SH3GL2: variants seen among roughly 807,000 people sequenced by gnomAD.
The protein encoded by SH3GL2 is SH3 domain containing GRB2 like 2, endophilin A1, also known as endophilin-A1.
SH3GL2 carries 24 observed loss-of-function variants against 46.0 expected under a neutral mutation model. That is an observed-to-expected ratio of 0.52 (90% CI 0.38 to 0.73). The LOEUF (loss-of-function observed/expected upper bound fraction) is 0.73. Among genes scored for constraint, SH3GL2 ranks in the 30% least tolerant of loss-of-function variants. The pLI, the probability that SH3GL2 is intolerant of heterozygous loss-of-function variation, is 0.00. For synonymous variants in SH3GL2, 196 were observed against 147.1 expected (o/e 1.33, Z -2.40); for missense variants, 413 against 424.2 (o/e 0.97, Z 0.23).
At position 17,676,432 on chromosome 9, in the gene SH3GL2, C is replaced by G. The variant is rs577283390; in HGVS notation, c.46-70634C>G. The stretch of plus-strand genomic sequence containing the variant: ...ACCAGCCTAGCCAACAGGGTGAAAC[C>G]CTGTCTCTACTGAAAATACTAAAAT... On this transcript the variant is annotated intron_variant, in intron 1 of 8. Transcript: ENST00000380607. 3.3e-4 allele frequency among the ~76,000 whole-genome samples: 50 copies of G among 152,156 alleles called. No individual in the cohort carries two copies. In the East Asian group the frequency reaches 8.2e-3, roughly 25 times the overall value.
At chr9:17,772,093 A>G (rs545504595) in intron 3 of SH3GL2, among the ~76,000 whole-genome samples, 1 of 152,318 alleles carries the variant, frequency 6.6e-6, no homozygotes, top group Admixed American at 6.5e-5. Flanking sequence ...CACGTTTCAG[A>G]CTTGTAGATG....
chr9:17,757,043 T>G lies in SH3GL2; in HGVS notation c.115-4394T>G, dbSNP rs1727727913. Among the ~76,000 whole-genome samples the G allele has an allele frequency of 2.0e-5, 3 of 152,340 alleles. No individual in the cohort carries two copies. The South Asian group carries it at 6.2e-4, about 32-fold the overall frequency. ...CTAACTGGTGTGAGATGGTATCTCA[T>G]TGTGGTTTTCATTTGCATTTCTCTG... On this transcript the variant is annotated intron_variant, in intron 2 of 8. Coordinates refer to ENST00000380607, the MANE Select transcript of SH3GL2 (RefSeq NM_003026.5).
chr9:17,640,384 A>G (rs1020154292), intron 1 of SH3GL2, among the ~76,000 whole-genome samples: 2 of 152,046 alleles, frequency 1.3e-5, no homozygotes, highest in South Asian at 2.1e-4. Context: ...TATTAATCCA[A>G]TTTGCAGACC....
chr9:17,701,267 A>G (rs1821337821), intron 1 of SH3GL2, among the ~76,000 whole-genome samples: 1 of 152,180 alleles, frequency 6.6e-6, no homozygotes, highest in African/African-American at 2.4e-5. Flanking sequence ...AATACTTAGA[A>G]ATGATGGATA....
At chr9:17,627,051 C>T (rs1169563395) in intron 1 of SH3GL2, among the ~76,000 whole-genome samples, 1 of 152,122 alleles carries the variant, frequency 6.6e-6, no homozygotes, top group Non-Finnish European at 1.5e-5. Flanking sequence ...GTCACAACTA[C>T]CCTGTATTGG....
In SH3GL2 at chr9:17,705,593, T is replaced by A. The variant is rs368980712; in HGVS notation, c.46-41473T>A. ...GTCGACTGGATAAAGAAAATGTGGT[T>A]TATATACACCACGGAGTACTACGCA... On this transcript the variant is annotated intron_variant, in intron 1 of 8. Transcript: ENST00000380607. Among the ~76,000 whole-genome samples, 15 of 151,964 alleles carry A rather than the reference T, an allele frequency of 9.9e-5. 1 individual carries two copies. The East Asian group carries it at 1.5e-3, about 16-fold the overall frequency.
chr9:17,616,757 G>T (rs1225051065), intron 1 of SH3GL2, among the ~76,000 whole-genome samples: 2 of 151,866 alleles, frequency 1.3e-5, no homozygotes, highest in African/African-American at 4.8e-5. Flanking sequence ...TGTTAATATA[G>T]CCTGTTGGTT....
chr9:17,770,201 T>C (rs1217428099), intron 3 of SH3GL2, among the ~76,000 whole-genome samples: 1 of 152,218 alleles, frequency 6.6e-6, no homozygotes, highest in Non-Finnish European at 1.5e-5. Flanking sequence ...TACTGTCATG[T>C]ATAAAATCAC....
chr9:17,695,212 A>G (rs1279244168), intron 1 of SH3GL2, among the ~76,000 whole-genome samples: 1 of 152,122 alleles, frequency 6.6e-6, no homozygotes, highest in Non-Finnish European at 1.5e-5. Flanking sequence ...TTGTAGCATA[A>G]GATGAAATAT....
intron 1 of SH3GL2, among the ~76,000 whole-genome samples, chr9:17,739,279 C>G (rs1822453836): frequency 6.6e-6 from 1 of 151,966 alleles, no homozygotes; most frequent in Non-Finnish European, 1.5e-5. Flanking sequence ...TCAGAAATCC[C>G]AAAGTAATTA....
intron 1 of SH3GL2, among the ~76,000 whole-genome samples, chr9:17,635,992 A>G (rs576821222): frequency 2.0e-4 from 30 of 152,322 alleles, no homozygotes; most frequent in Admixed American, 7.8e-4. Flanking sequence ...AGACCTGCCA[A>G]GGTATTCAAG....
chr9:17,608,048 T>G (rs1818791252), intron 1 of SH3GL2, among the ~76,000 whole-genome samples: 1 of 152,048 alleles, frequency 6.6e-6, no homozygotes, highest in Non-Finnish European at 1.5e-5. Flanking sequence ...GATCTTTGTG[T>G]TTGGGGGGCT....
intron 1 of SH3GL2, among the ~76,000 whole-genome samples, chr9:17,645,561 G>C (rs1819794770): frequency 6.6e-6 from 1 of 152,102 alleles, no homozygotes; most frequent in Non-Finnish European, 1.5e-5. Context: ...TTGTAAGGCA[G>C]GCCTGATGGT....
chr9:17,733,415 A>C (rs559935184), intron 1 of SH3GL2, among the ~76,000 whole-genome samples: 1 of 151,956 alleles, frequency 6.6e-6, no homozygotes, highest in Admixed American at 6.6e-5. Context: ...TCCCAATGCT[A>C]TCCCTACCCA....
chr9:17,585,664 C>G (rs901333464), intron 1 of SH3GL2, among the ~76,000 whole-genome samples: 4 of 152,170 alleles, frequency 2.6e-5, no homozygotes, highest in African/African-American at 7.2e-5. Flanking sequence ...AGTGCCTTTA[C>G]TAGTGATCTC....
intron 2 of SH3GL2, among the ~76,000 whole-genome samples, chr9:17,755,214 G>A (rs1411778795): frequency 2.0e-5 from 3 of 152,070 alleles, no homozygotes; most frequent in African/African-American, 7.2e-5. Flanking sequence ...GAATTTTATT[G>A]AAAACCTTTT....
chr9:17,722,176 GC>G (rs1821911749), intron 1 of SH3GL2, among the ~76,000 whole-genome samples: 1 of 152,058 alleles, frequency 6.6e-6, no homozygotes, highest in African/African-American at 2.4e-5. Context: ...AGGAAGTGTG[GC>G]TTTTTGGGCT....
intron 1 of SH3GL2, among the ~76,000 whole-genome samples, chr9:17,636,538 A>T (rs1292986788): frequency 1.3e-5 from 2 of 152,222 alleles, no homozygotes; most frequent in Admixed American, 1.3e-4. Context: ...GTCATGTCAC[A>T]GTACAACTTC....
intron 2 of SH3GL2, among the ~76,000 whole-genome samples, chr9:17,750,798 C>A (rs562383534): frequency 2.0e-5 from 3 of 152,332 alleles, no homozygotes; most frequent in African/African-American, 7.2e-5. Flanking sequence ...TGTACAGTTA[C>A]ATTCATTAAT....
Sources: allele counts gnomAD v4.1 joint callset (sites outside exome capture counted in the v4.1 genomes callset), GRCh38; gene constraint gnomAD v4.1.1; transcripts MANE v1.5; gene names NCBI Gene and HGNC (gene_info 2026-07-23, HGNC 2026-07-21).